The following TMEM132D variants were observed in gnomAD, a reference collection of about 807,000 sequenced individuals.
TMEM132D encodes the protein mature OL transmembrane protein.
Under a neutral mutation model 62.3 loss-of-function variants are expected in TMEM132D, and 21 were observed. That is an observed-to-expected ratio of 0.34 (90% confidence interval 0.24 to 0.49). The LOEUF (loss-of-function observed/expected upper bound fraction) is 0.49, where lower values mean the gene tolerates loss of function less well. Among genes scored for constraint, TMEM132D ranks in the 20% least tolerant of loss-of-function variants. TMEM132D has a pLI of 0.99. For synonymous variants in TMEM132D, 621 were observed against 575.6 expected (o/e 1.08, Z -1.13); for missense variants, 1,346 against 1,402.8 (o/e 0.96, Z 0.65).
rs1346412173 is a variant in TMEM132D at position 129,277,726 on chromosome 12, A to C, written c.1299+59908T>G. On this transcript the variant is annotated intron_variant, in intron 4 of 8. Transcript: ENST00000422113. The surrounding 1 kb of genome is among the most constrained non-coding windows in gnomAD (Gnocchi z 4.2). ...TATCAGAATCATATCATATGAAGAA[A>C]AAAACAACTTTTCCAGGAAGCCTCA... Among the ~76,000 whole-genome samples, 1 of 152,234 alleles carries C rather than the reference A, an allele frequency of 6.6e-6. No individual in the cohort carries two copies. The highest frequency in any genetic ancestry group is 2.4e-5 in the African/African-American group (1 of 41,464).
intron 2 of TMEM132D, among the ~76,000 whole-genome samples, chr12:129,687,206 G>A (rs1020367638): frequency 2.0e-5 from 3 of 152,138 alleles, no homozygotes; most frequent in Non-Finnish European, 2.9e-5. Context: ...AAGAACAGTG[G>A]GGTCTTCAGG....
chr12:129,891,204 T>C (rs1295545696), intron 1 of TMEM132D, among the ~76,000 whole-genome samples: 1 of 152,164 alleles, frequency 6.6e-6, no homozygotes, highest in East Asian at 1.9e-4. Flanking sequence ...GTCCTCTCAC[T>C]GGGGCCCACT....
At chr12:129,342,343 A>T (rs1411050449) in intron 3 of TMEM132D, among the ~76,000 whole-genome samples, 1 of 152,156 alleles carries the variant, frequency 6.6e-6, no homozygotes, top group Non-Finnish European at 1.5e-5. Context: ...CCTATTTAAT[A>T]AATGGTGCTG....
intron 1 of TMEM132D, among the ~76,000 whole-genome samples, chr12:129,859,410 T>C (rs1873820176): frequency 1.3e-5 from 2 of 152,224 alleles, no homozygotes; most frequent in Admixed American, 1.3e-4. Flanking sequence ...CTCTTTTCTT[T>C]TCACTGAATT....
rs1003126376 is a variant in TMEM132D at position 129,121,262 on chromosome 12, A to G, written c.1444-36560T>C. 2.6e-5 allele frequency among the ~76,000 whole-genome samples: 4 copies of G among 152,036 alleles called. No homozygotes were observed. The South Asian group carries it at 8.3e-4, about 32-fold the overall frequency. ...AGGTGTGCACCACCATGCCTGGCTA[A>G]TTTTTGTATTTTTAGTAGAGACAGG... On this transcript the variant is annotated intron_variant, in intron 5 of 8. Transcript: ENST00000422113.
At chr12:129,167,068 G>A (rs758853761) in intron 5 of TMEM132D, among the ~76,000 whole-genome samples, 1 of 151,810 alleles carries the variant, frequency 6.6e-6, no homozygotes, top group Non-Finnish European at 1.5e-5. Flanking sequence ...GCTGAGGTGG[G>A]AGAATCACTT....
chr12:129,189,838 G>A (rs753765796), intron 5 of TMEM132D, among the ~76,000 whole-genome samples: 76 of 152,242 alleles, frequency 5.0e-4, no homozygotes, highest in African/African-American at 1.7e-3. Context: ...AATGAGTTAG[G>A]TTACATGACA....
At chr12:129,858,405 A>G (rs866667572) in intron 1 of TMEM132D, among the ~76,000 whole-genome samples, 4 of 2,318 alleles carry the variant, frequency 1.7e-3, no homozygotes, top group Non-Finnish European at 2.3e-3. Flanking sequence ...CCCTTATAAC[A>G]GAGTCCGGGG....
chr12:129,335,103 A>C (rs75352117), intron 4 of TMEM132D, among the ~76,000 whole-genome samples: 2,525 of 148,990 alleles, frequency 0.017, 65 homozygotes, highest in African/African-American at 0.059. Context: ...TGTGTTTGCT[A>C]TAGGCTGGGT....
intron 3 of TMEM132D, among the ~76,000 whole-genome samples, chr12:129,443,745 C>T (rs952091863): frequency 1.3e-5 from 2 of 152,160 alleles, no homozygotes; most frequent in Admixed American, 6.5e-5. Context: ...CTTCTGTGCA[C>T]GTAGTTCAGA....
intron 1 of TMEM132D, among the ~76,000 whole-genome samples, chr12:129,892,919 C>T (rs1192046691): frequency 1.3e-5 from 2 of 152,098 alleles, no homozygotes; most frequent in African/African-American, 4.8e-5. Flanking sequence ...CTCTGTCATC[C>T]AGGCTGGAGT....
intron 3 of TMEM132D, among the ~76,000 whole-genome samples, chr12:129,482,874 T>C (rs758730241): frequency 2.7e-4 from 41 of 152,146 alleles, no homozygotes; most frequent in Non-Finnish European, 5.4e-4. Context: ...ATACAGTTAA[T>C]TGGCTCTCTT....
chr12:129,712,403 C>T (rs1868405535), intron 1 of TMEM132D, among the ~76,000 whole-genome samples: 1 of 152,220 alleles, frequency 6.6e-6, no homozygotes, highest in African/African-American at 2.4e-5. Context: ...GGATTACCGG[C>T]GTGAGCCACT....
chr12:129,848,132 G>T (rs1873421965), intron 1 of TMEM132D, among the ~76,000 whole-genome samples: 1 of 152,216 alleles, frequency 6.6e-6, no homozygotes, highest in South Asian at 2.1e-4. Flanking sequence ...TGAGCATTGT[G>T]ATTTCTTCCA....
chr12:129,085,077 C>T (rs1565958407), intron 5 of TMEM132D: 1 of 327,022 alleles, frequency 3.1e-6, no homozygotes, highest in Non-Finnish European at 5.5e-6. Flanking sequence ...GCTCACCCCG[C>T]TTCTCTGCCC....
intron 3 of TMEM132D, among the ~76,000 whole-genome samples, chr12:129,346,129 C>T (rs1420968953): frequency 6.6e-6 from 1 of 152,078 alleles, no homozygotes; most frequent in East Asian, 1.9e-4. Flanking sequence ...TGTTATTGGT[C>T]TATTCAGGGA....
rs564082964 is a variant in TMEM132D, at chr12:129,392,956, C to T, written c.1116-55139G>A. ...TATGATAAACTTGGAGGGTATGCAT[C>T]CCACCTGGAGAGAGCAACCTCTACT... is the stretch of plus-strand genomic sequence containing the variant. On this transcript the variant is annotated intron_variant, in intron 3 of 8. Coordinates refer to ENST00000422113, the MANE Select transcript of TMEM132D (RefSeq NM_133448.3). 2.0e-5 allele frequency among the ~76,000 whole-genome samples: 3 copies of T among 152,308 alleles called. No individual in the cohort carries two copies. The East Asian group carries it at 5.8e-4, about 29-fold the overall frequency.
At chr12:129,075,872 A>G (rs1874234646) in intron 8 of TMEM132D, among the ~76,000 whole-genome samples, 1 of 152,224 alleles carries the variant, frequency 6.6e-6, no homozygotes, top group South Asian at 2.1e-4. Context: ...CTTTAATTTT[A>G]GTGAAGATGA....
chr12:129,671,446 G>A (rs77134830), intron 2 of TMEM132D, among the ~76,000 whole-genome samples: 2,687 of 152,270 alleles, frequency 0.018, 82 homozygotes, highest in African/African-American at 0.061. Flanking sequence ...ACCAGGGAAG[G>A]TTTTATTAGC....
Sources: gnomAD v4.1 joint callset for allele counts (sites outside exome capture counted in the v4.1 genomes callset) on GRCh38, gnomAD v4.1.1 for gene constraint, Gnocchi (gnomAD v3.1) non-coding constraint, MANE v1.5 for transcripts, NCBI Gene and HGNC (gene_info 2026-07-23, HGNC 2026-07-21) for gene names.